The following SFMBT1 variants were observed in gnomAD, a reference collection of about 807,000 sequenced individuals.
SFMBT1 encodes the protein scm-like with four MBT domains protein 1.
SFMBT1 carries 32 observed loss-of-function variants against 108.7 expected under a neutral mutation model. The observed-to-expected ratio is 0.29, with a 90% CI of 0.22 to 0.40. The LOEUF is 0.40. Ranked by LOEUF, SFMBT1 falls within the 10% of genes least tolerant of loss-of-function variation. The pLI, the probability that SFMBT1 is intolerant of heterozygous loss-of-function variation, is 1.00. For missense variants in SFMBT1, 816 were observed against 1,059.6 expected (o/e 0.77, Z 3.19); for synonymous variants, 348 against 369.5 (o/e 0.94, Z 0.67).
Position 52,913,621 on chromosome 3 carries a change from G to C in SFMBT1, c.1481-4C>G. ...CAATATTTTCCATTAATCATAACTGGGAAATGAAGAAAAACAAATATTCAA... is the reference window on the plus strand; with the variant it reads ...CAATATTTTCCATTAATCATAACTGCGAAATGAAGAAAAACAAATATTCAA... On this transcript the variant is annotated splice_polypyrimidine_tract_variant and splice_region_variant and intron_variant, in intron 14 of 20. Transcript: ENST00000394752. 1 of 1,612,090 alleles carries C rather than the reference G, an allele frequency of 6.2e-7. No individual in the cohort carries two copies. The highest frequency in any genetic ancestry group is 1.3e-5 in the African/African-American group (1 of 74,930).
chr3:52,954,522 T>G, intron 2 of SFMBT1, 111 bp from the exon 3 acceptor site: 2 of 852,978 alleles, frequency 2.3e-6, no homozygotes, highest in South Asian at 3.2e-5. Context: ...CACAACTGAT[T>G]TTGCACAAAA....
At chr3:53,008,653 T>TA (rs1273996086) in intron 1 of SFMBT1, among the ~76,000 whole-genome samples, 1 of 149,320 alleles carries the variant, frequency 6.7e-6, no homozygotes, top group Non-Finnish European at 1.5e-5. Context: ...TTTTTTGAGA[T>TA]AGAGTCTCGC....
intron 8 of SFMBT1, 35 bp downstream of exon 8, chr3:52,930,294 A>G: frequency 1.6e-6 from 2 of 1,289,048 alleles, no homozygotes; most frequent in Non-Finnish European, 1.1e-6. Context: ...TCACCTTGAC[A>G]GGGATTCTTA....
chr3:52,913,349 T>G, intron 15 of SFMBT1, 129 bp downstream of exon 15: 10 of 1,187,032 alleles, frequency 8.4e-6, no homozygotes, highest in Non-Finnish European at 1.0e-5. Context: ...GTCCAAAACA[T>G]GAGAAAAGTT....
chr3:53,027,491 T>C (rs1251954468), intron 1 of SFMBT1, among the ~76,000 whole-genome samples: 1 of 152,200 alleles, frequency 6.6e-6, no homozygotes, highest in Admixed American at 6.5e-5. Context: ...ATTACTATGG[T>C]ATCAGATCAT....
At chr3:52,993,851 G>A (rs1226741861) in intron 1 of SFMBT1, among the ~76,000 whole-genome samples, 5 of 150,320 alleles carry the variant, frequency 3.3e-5, no homozygotes, top group Non-Finnish European at 4.5e-5. Context: ...CAATAAAACA[G>A]TGTAAGAGAC....
intron 1 of SFMBT1, among the ~76,000 whole-genome samples, chr3:53,033,626 TAC>T (rs908039571): frequency 2.0e-5 from 3 of 152,088 alleles, no homozygotes; most frequent in African/African-American, 4.8e-5. Context: ...CAAAGATTTA[TAC>T]ACACACACGT....
At position 53,003,085 on chromosome 3, in the gene SFMBT1, G is replaced by A. The variant is rs569908981; in HGVS notation, c.-130-33827C>T. Among the ~76,000 whole-genome samples the A allele has an allele frequency of 5.7e-5, 7 of 123,000 alleles. 1 individual carries two copies. The highest frequency in any genetic ancestry group is 2.1e-4 in the African/African-American group (7 of 33,062). 80.7% of individuals were successfully genotyped at this position (123,000 alleles called of 152,430 possible). A position where few individuals can be genotyped will look rare whatever the true frequency, so the allele number is the denominator to read the frequency against. On this transcript the variant is annotated intron_variant, in intron 1 of 20. Coordinates refer to ENST00000394752, the MANE Select transcript of SFMBT1 (RefSeq NM_016329.4). ...TGCAGTGAGCTTAGATAGTGTCACTGCACTCCAGCCTGGGTGACAGAGTGG... is the reference window on the plus strand; with the variant it reads ...TGCAGTGAGCTTAGATAGTGTCACTACACTCCAGCCTGGGTGACAGAGTGG...
intron 1 of SFMBT1, among the ~76,000 whole-genome samples, chr3:53,027,561 C>T (rs1699536574): frequency 6.6e-6 from 1 of 152,174 alleles, no homozygotes; most frequent in Non-Finnish European, 1.5e-5. Flanking sequence ...AACATTTCTG[C>T]CTCCAGGAAT....
At chr3:52,907,453 C>T in intron 18 of SFMBT1, 102 bp downstream of exon 18, 1 of 1,521,344 alleles carries the variant, frequency 6.6e-7, no homozygotes, top group Non-Finnish European at 8.8e-7. Context: ...TTCTATTGGC[C>T]AGAGATCTGA....
rs974103599 is a variant in SFMBT1 at position 52,997,775 on chromosome 3, T to C, written c.-130-28517A>G. The stretch of plus-strand genomic sequence containing the variant: ...GTAAATGACCACATTTTGGGGGTAA[T>C]AAAATGTTCTAAAACTAAATGGTGA... On this transcript the variant is annotated intron_variant, in intron 1 of 20. Coordinates refer to ENST00000394752, the MANE Select transcript of SFMBT1 (RefSeq NM_016329.4). Among the ~76,000 whole-genome samples, 3 of 150,196 alleles carry C rather than the reference T, an allele frequency of 2.0e-5. 1 individual carries two copies. Among genetic ancestry groups the C allele is most frequent in the Non-Finnish European group, 4.5e-5 (3 of 67,078 alleles).
intron 1 of SFMBT1, among the ~76,000 whole-genome samples, chr3:53,021,056 C>A (rs577856754): frequency 1.2e-4 from 19 of 152,128 alleles, no homozygotes; most frequent in African/African-American, 4.1e-4. Context: ...GAGACTCCGT[C>A]TCAAAAAAAG....
chr3:52,992,673 G>A (rs1178125572), intron 1 of SFMBT1, among the ~76,000 whole-genome samples: 1 of 152,142 alleles, frequency 6.6e-6, no homozygotes, highest in East Asian at 1.9e-4. Flanking sequence ...CATAAAAGCA[G>A]ATCATCTTTC....
chr3:52,930,365 C>T lies in SFMBT1; in HGVS notation c.861G>A (p.Trp287Ter). Residue 287 changes from tryptophan to a stop codon, truncating the protein, a stop_gained, in exon 8 of 21, where the codon TGG becomes TGA. Transcript: ENST00000394752. LOFTEE classifies it high-confidence loss of function. Reference sequence around the variant, plus strand: ...TAGCAGGAGAGATCCCAAAAGGAGACCAGGGGTCTACAGCTTCCAATTTCA... The same window carrying T: ...TAGCAGGAGAGATCCCAAAAGGAGATCAGGGGTCTACAGCTTCCAATTTCA... ...VNMKLEAVDPWSPFGISPATV... is the reference protein window; with the variant it reads ...VNMKLEAVDP 6.2e-7 allele frequency: 1 copy of T among 1,612,902 alleles called. No homozygotes were observed. The highest frequency in any genetic ancestry group is 8.5e-7 in the Non-Finnish European group (1 of 1,178,862).
chr3:53,031,918 A>T (rs1007663794), intron 1 of SFMBT1, among the ~76,000 whole-genome samples: 2 of 152,242 alleles, frequency 1.3e-5, no homozygotes, highest in Non-Finnish European at 2.9e-5. Context: ...TTAAAATATT[A>T]AAATGAGCTA....
intron 1 of SFMBT1, among the ~76,000 whole-genome samples, chr3:52,999,093 C>T (rs1429749787): frequency 6.6e-6 from 1 of 150,854 alleles, no homozygotes; most frequent in Non-Finnish European, 1.5e-5. Context: ...CCAAGGCCTG[C>T]GCCGGCGTCT....
intron 1 of SFMBT1, among the ~76,000 whole-genome samples, chr3:53,009,311 G>A (rs1260009013): frequency 3.3e-5 from 5 of 151,972 alleles, no homozygotes; most frequent in South Asian, 2.1e-4. Context: ...CCCAGTGCAT[G>A]GTGACATATG....
chr3:52,945,142 A>AAAAAAAAAAAAC (rs1559521034), intron 3 of SFMBT1, among the ~76,000 whole-genome samples: 1 of 147,030 alleles, frequency 6.8e-6, no homozygotes, highest in African/African-American at 2.5e-5. Flanking sequence ...CAATTAAAAA[A>AAAAAAAAAAAAC]AAAAAAAAAC....
intron 1 of SFMBT1, among the ~76,000 whole-genome samples, chr3:52,997,054 G>A (rs1254540176): frequency 6.7e-6 from 1 of 149,100 alleles, no homozygotes; most frequent in Non-Finnish European, 1.5e-5. Context: ...GGGCGACTGA[G>A]CGAGACTCAG....
Sources: gnomAD v4.1 joint callset for allele counts (sites outside exome capture counted in the v4.1 genomes callset) on GRCh38, gnomAD v4.1.1 for gene constraint, MANE v1.5 for transcripts, NCBI Gene and HGNC (gene_info 2026-07-23, HGNC 2026-07-21) for gene names.